Variants in PTPRK observed in about 807,000 individuals in gnomAD.
The protein encoded by PTPRK is receptor-type tyrosine-protein phosphatase kappa.
Under a neutral mutation model 178.0 loss-of-function variants are expected in PTPRK, and 75 were observed. The observed-to-expected ratio is 0.42, with a 90% CI of 0.35 to 0.51. The LOEUF (loss-of-function observed/expected upper bound fraction) is 0.51. PTPRK is among the 20% of genes least tolerant of loss of function. The pLI is 0.02. For missense variants in PTPRK, 1,441 were observed against 1,797.8 expected (o/e 0.80, Z 3.59); for synonymous variants, 637 against 620.6 (o/e 1.03, Z -0.39).
chr6:128,465,157 G>A (rs1472618250), intron 1 of PTPRK, among the ~76,000 whole-genome samples: 1 of 151,558 alleles, frequency 6.6e-6, no homozygotes, highest in African/African-American at 2.4e-5. Context: ...TGGGACCCAG[G>A]GAAAGGTAGT....
intron 1 of PTPRK, chr6:128,500,700 T>C (rs1278222240): frequency 6.6e-6 from 1 of 152,178 alleles, no homozygotes; most frequent in Non-Finnish European, 1.5e-5. Flanking sequence ...ATATTATTTG[T>C]CTCTATGTCT....
At chr6:128,158,360 G>A (rs1044373698) in intron 7 of PTPRK, among the ~76,000 whole-genome samples, 2 of 151,896 alleles carry the variant, frequency 1.3e-5, no homozygotes, top group African/African-American at 4.8e-5. Context: ...GTATACATAT[G>A]TAACAAACCT....
intron 1 of PTPRK, among the ~76,000 whole-genome samples, chr6:128,479,851 A>T (rs1851835612): frequency 6.6e-6 from 1 of 152,124 alleles, no homozygotes; most frequent in South Asian, 2.1e-4. Flanking sequence ...CTCTATTCTT[A>T]TAATCTTCAT....
At chr6:128,103,254 G>A (rs1002450196) in intron 7 of PTPRK, among the ~76,000 whole-genome samples, 6 of 151,926 alleles carry the variant, frequency 3.9e-5, no homozygotes, top group African/African-American at 1.5e-4. Flanking sequence ...CCCTTTCCGG[G>A]TCCCCATACA....
intron 7 of PTPRK, among the ~76,000 whole-genome samples, chr6:128,126,764 T>C (rs912583530): frequency 1.4e-4 from 22 of 152,238 alleles, no homozygotes; most frequent in African/African-American, 5.3e-4. Context: ...GCTGAGGTTA[T>C]AGGGGTGACC....
chr6:128,327,203 A>G (rs1014385176), intron 2 of PTPRK, among the ~76,000 whole-genome samples: 5 of 152,152 alleles, frequency 3.3e-5, no homozygotes, highest in Non-Finnish European at 5.9e-5. Flanking sequence ...ACTTCTATGA[A>G]TAAGGTATTT....
intron 2 of PTPRK, among the ~76,000 whole-genome samples, chr6:128,339,272 T>C (rs1831350013): frequency 6.6e-6 from 1 of 152,154 alleles, no homozygotes; most frequent in Non-Finnish European, 1.5e-5. Flanking sequence ...CAATAGTGAT[T>C]AACAATTTGG....
At chr6:128,251,168 C>T (rs956816004) in intron 3 of PTPRK, among the ~76,000 whole-genome samples, 1 of 152,094 alleles carries the variant, frequency 6.6e-6, no homozygotes, top group African/African-American at 2.4e-5. Context: ...AGATATATAC[C>T]TGCAATCACA....
chr6:127,999,316 C>T (rs1395107682), intron 15 of PTPRK, among the ~76,000 whole-genome samples: 2 of 151,912 alleles, frequency 1.3e-5, no homozygotes, highest in African/African-American at 4.8e-5. Flanking sequence ...TCCCAACCTC[C>T]CTCAGAGATA....
chr6:128,186,400 T>G (rs1022213019), intron 6 of PTPRK, among the ~76,000 whole-genome samples: 6 of 152,052 alleles, frequency 3.9e-5, no homozygotes, highest in Non-Finnish European at 5.9e-5. Context: ...GGCTCATGTT[T>G]AAAACAAAAA....
chr6:128,387,181 A>C (rs1838863027), intron 2 of PTPRK, among the ~76,000 whole-genome samples: 1 of 152,178 alleles, frequency 6.6e-6, no homozygotes, highest in Non-Finnish European at 1.5e-5. Flanking sequence ...TTTTAAGAAA[A>C]AATGTTCAAA....
intron 6 of PTPRK, among the ~76,000 whole-genome samples, chr6:128,204,868 A>C (rs1440523576): frequency 6.6e-6 from 1 of 152,148 alleles, no homozygotes; most frequent in Non-Finnish European, 1.5e-5. Flanking sequence ...TTCCTCAGAG[A>C]CCTAGAGGCA....
chr6:128,086,298 T>C (rs917672593), intron 8 of PTPRK, among the ~76,000 whole-genome samples: 1 of 152,188 alleles, frequency 6.6e-6, no homozygotes, highest in Non-Finnish European at 1.5e-5. Flanking sequence ...CAAAAATAGC[T>C]TTGTAGTCTC....
intron 15 of PTPRK, chr6:127,999,869 C>T (rs1034503540): frequency 9.9e-6 from 7 of 707,588 alleles, no homozygotes; most frequent in African/African-American, 7.7e-5. Context: ...CAACTGAATC[C>T]CTGACCACTC....
At chr6:128,100,354 G>A (rs933894103) in intron 7 of PTPRK, among the ~76,000 whole-genome samples, 1 of 151,780 alleles carries the variant, frequency 6.6e-6, no homozygotes, top group African/African-American at 2.4e-5. Flanking sequence ...GAATAAATAT[G>A]GTCATTTGAA....
chr6:128,253,361 A>G (rs1312294975), intron 3 of PTPRK, among the ~76,000 whole-genome samples: 2 of 152,180 alleles, frequency 1.3e-5, no homozygotes, highest in East Asian at 3.9e-4. Flanking sequence ...ACCATAAAAG[A>G]TTTGGTATAA....
chr6:128,058,486 T>C (rs554317915), intron 13 of PTPRK, among the ~76,000 whole-genome samples: 2 of 152,300 alleles, frequency 1.3e-5, no homozygotes, highest in Admixed American at 1.3e-4. Context: ...CATTTTCTAA[T>C]GGATTGTCTC....
intron 7 of PTPRK, among the ~76,000 whole-genome samples, chr6:128,129,239 A>G (rs991406250): frequency 6.6e-6 from 1 of 152,192 alleles, no homozygotes; most frequent in Non-Finnish European, 1.5e-5. Context: ...CTGATTTTTC[A>G]GTACCTCTCA....
At chr6:128,116,806 C>T (rs929223782) in intron 7 of PTPRK, among the ~76,000 whole-genome samples, 9 of 152,174 alleles carry the variant, frequency 5.9e-5, no homozygotes, top group African/African-American at 2.2e-4. Context: ...TATGAAGAGA[C>T]AAAATTGTCA....
Sources: allele counts gnomAD v4.1 joint callset (sites outside exome capture counted in the v4.1 genomes callset), GRCh38; gene constraint gnomAD v4.1.1; transcripts MANE v1.5; gene names NCBI Gene and HGNC (gene_info 2026-07-23, HGNC 2026-07-21).